The following KLRG1 variants were observed in gnomAD, a reference collection of about 807,000 sequenced individuals.
The protein encoded by KLRG1 is killer cell lectin-like receptor subfamily G member 1.
Under a neutral mutation model 21.8 loss-of-function variants are expected in KLRG1, and 16 were observed. The observed-to-expected ratio is 0.73, with a 90% CI of 0.50 to 1.11. The LOEUF is 1.11. Among genes scored for constraint, KLRG1 ranks in the 50% most tolerant of loss-of-function variants. The pLI is 0.00. For synonymous variants in KLRG1, 69 were observed against 75.9 expected, an observed-to-expected ratio of 0.91 and a Z score of 0.47; for missense variants, 173 against 218.3, an observed-to-expected ratio of 0.79 and a Z score of 1.31.
chr12:9,041,115 C>T, the KLRG1 span, among the ~76,000 whole-genome samples: 1 of 152,170 alleles, frequency 6.6e-6, no homozygotes, highest in East Asian at 1.9e-4. Flanking sequence ...GCGGGTGGAT[C>T]ACCTGAGGCC....
intron 1 of KLRG1, among the ~76,000 whole-genome samples, chr12:8,954,941 G>A (rs944372402): frequency 6.6e-6 from 1 of 151,710 alleles, no homozygotes; most frequent in African/African-American, 2.4e-5. Context: ...TTTTGAGGCG[G>A]AGTCTCGATC....
the KLRG1 span, chr12:9,203,848 A>G: frequency 1.2e-6 from 2 of 1,614,114 alleles, no homozygotes; most frequent in Admixed American, 1.7e-5. Context: ...CCAGACTCCA[A>G]GGAAGCACTT....
downstream of KLRG1, among the ~76,000 whole-genome samples, chr12:9,012,145 C>T (rs1450153773): frequency 1.3e-5 from 2 of 151,896 alleles, no homozygotes; most frequent in Admixed American, 1.3e-4. Flanking sequence ...AGCTGGGTGG[C>T]CAAGGGAGTG....
At chr12:9,153,266 G>A in the KLRG1 span, 1 of 1,614,164 alleles carries the variant, frequency 6.2e-7, no homozygotes, top group East Asian at 2.2e-5. Context: ...CCTGAACGGT[G>A]ACCTGTGCAG....
At chr12:8,951,844 G>A (rs1946211050) in intron 1 of KLRG1, among the ~76,000 whole-genome samples, 1 of 152,208 alleles carries the variant, frequency 6.6e-6, no homozygotes, top group Non-Finnish European at 1.5e-5. Context: ...AACTGTTCAT[G>A]TTGGAAATGG....
the KLRG1 span, chr12:9,201,257 G>A: frequency 2.2e-6 from 3 of 1,380,886 alleles, no homozygotes; most frequent in African/African-American, 1.5e-5. Flanking sequence ...CATCTGTCTA[G>A]AGTATTATCA....
chr12:9,032,419 A>G, the KLRG1 span, among the ~76,000 whole-genome samples: 4 of 152,218 alleles, frequency 2.6e-5, no homozygotes, highest in Non-Finnish European at 5.9e-5. Context: ...AGTTGACTCC[A>G]TTTTGCTTCT....
At chr12:9,079,851 G>A in the KLRG1 span, 1 of 1,500,334 alleles carries the variant, frequency 6.7e-7, no homozygotes, top group Admixed American at 2.3e-5. Flanking sequence ...CATAAAGCTT[G>A]GAGATTATCA....
the KLRG1 span, chr12:9,196,479 T>C: frequency 6.3e-7 from 1 of 1,576,016 alleles, no homozygotes; most frequent in Non-Finnish European, 8.7e-7. Flanking sequence ...GAAGTTACTT[T>C]AGTCATAAAA....
chr12:9,162,906 A>T, the KLRG1 span, among the ~76,000 whole-genome samples: 2 of 152,114 alleles, frequency 1.3e-5, no homozygotes, highest in African/African-American at 4.8e-5. Flanking sequence ...TCCACTAGCT[A>T]TTCTTCCTGA....
chr12:9,188,231 A>C, the KLRG1 span, among the ~76,000 whole-genome samples: 1 of 152,250 alleles, frequency 6.6e-6, no homozygotes, highest in Non-Finnish European at 1.5e-5. Context: ...TAGGCATATC[A>C]ATAAATGTGA....
chr12:8,997,971 A>G (rs1215758593), intron 3 of KLRG1, among the ~76,000 whole-genome samples: 1 of 151,956 alleles, frequency 6.6e-6, no homozygotes, highest in East Asian at 1.9e-4. Flanking sequence ...AGTATTCTTA[A>G]TCGTCACAGC....
At chr12:9,208,174 T>A in the KLRG1 span, 1 of 935,906 alleles carries the variant, frequency 1.1e-6, no homozygotes, top group Non-Finnish European at 1.8e-6. Context: ...AGTGGAAAGG[T>A]GGCATTTACA....
At chr12:9,089,858 T>C in the KLRG1 span, 1 of 1,237,724 alleles carries the variant, frequency 8.1e-7, no homozygotes, top group Non-Finnish European at 1.1e-6. Context: ...TACCCACATA[T>C]ATTATATATT....
chr12:9,101,746 T>A, the KLRG1 span: 1 of 1,242,870 alleles, frequency 8.0e-7, no homozygotes, highest in Non-Finnish European at 1.1e-6. Flanking sequence ...CAAAACTACG[T>A]AAGTTTACTG....
chr12:9,116,982 G>A, the KLRG1 span, among the ~76,000 whole-genome samples: 10 of 152,114 alleles, frequency 6.6e-5, no homozygotes, highest in Non-Finnish European at 1.3e-4. Context: ...GAGCACATAA[G>A]AGAGCACATA....
At chr12:9,181,885 T>G in the KLRG1 span, 14 of 1,424,718 alleles carry the variant, frequency 9.8e-6, no homozygotes, top group African/African-American at 1.7e-4. Context: ...TCATTTTACT[T>G]TTCTGGACTT....
the KLRG1 span, chr12:9,028,766 A>G: frequency 8.6e-6 from 5 of 581,570 alleles, no homozygotes; most frequent in East Asian, 4.3e-5. Flanking sequence ...AATGCCATCA[A>G]CAAACATATT....
the KLRG1 span, among the ~76,000 whole-genome samples, chr12:9,185,790 A>ATTTTCTTTTCTTTTCTTTTCTTTTCT: frequency 7.4e-6 from 1 of 134,266 alleles, no homozygotes; most frequent in African/African-American, 2.9e-5. Context: ...TATGTTCAAC[A>ATTTTCTTTTCTTTTCTTTTCTTTTCT]TTTCTTTTCT....
Sources: allele counts gnomAD v4.1 joint callset (sites outside exome capture counted in the v4.1 genomes callset), GRCh38; gene constraint gnomAD v4.1.1; transcripts MANE v1.5; gene names NCBI Gene and HGNC (gene_info 2026-07-23, HGNC 2026-07-21).